SCYL2: variants seen among roughly 807,000 people sequenced by gnomAD.
SCYL2 encodes the protein SCY1-like protein 2.
In SCYL2, 36 loss-of-function variants were observed where a neutral mutation model predicts 100.4. The observed-to-expected ratio is 0.36, with a 90% confidence interval of 0.27 to 0.47. The LOEUF (loss-of-function observed/expected upper bound fraction) is 0.47, where lower values mean the gene tolerates loss of function less well. SCYL2 is among the 20% of genes least tolerant of loss of function. The probability of loss-of-function intolerance (pLI) is 1.00; values close to 1 mark genes in which losing one functional copy is unlikely to be tolerated. For missense variants in SCYL2, 902 were observed against 1,083.9 expected, an observed-to-expected ratio of 0.83 and a Z score of 2.36; for synonymous variants, 330 against 359.2, an observed-to-expected ratio of 0.92 and a Z score of 0.92.
chr12:100,314,558 C>G lies in SCYL2; in HGVS notation c.1039C>G (p.Leu347Val), dbSNP rs760026700. 1 of 1,601,514 alleles carries G rather than the reference C, an allele frequency of 6.2e-7. No individual in the cohort carries two copies. Among genetic ancestry groups the G allele is most frequent in the Non-Finnish European group, 8.5e-7 (1 of 1,175,468 alleles). The change falls in exon 8 of 18, where the codon CTT becomes GTT. Residue 347 changes from leucine to valine, a missense_variant. By Grantham distance (32) the Leu-to-Val change is conservative. Coordinates refer to ENST00000360820, the MANE Select transcript of SCYL2 (RefSeq NM_017988.6). ...YFDTLFQRDNLQKSQFFKGLP... is the reference protein window; with the variant it reads ...YFDTLFQRDNVQKSQFFKGLP... ...TGATACCTTATTCCAAAGAGATAAT[C>G]TTCAGAAATCACAGTTTTTCAAAGG...
At chr12:100,294,305 G>A (rs2096314703) in intron 3 of SCYL2, among the ~76,000 whole-genome samples, 1 of 118,868 alleles carries the variant, frequency 8.4e-6, no homozygotes, top group African/African-American at 3.2e-5. Flanking sequence ...GGGCAGAGGG[G>A]CTCCTCACTT....
At chr12:100,307,751 A>G (rs1170469538) in intron 4 of SCYL2, among the ~76,000 whole-genome samples, 2 of 152,214 alleles carry the variant, frequency 1.3e-5, no homozygotes, top group Non-Finnish European at 2.9e-5. Flanking sequence ...TCCATCTGAC[A>G]AAGGGCTAAT....
intron 4 of SCYL2, among the ~76,000 whole-genome samples, chr12:100,307,295 T>C (rs986334719): frequency 6.6e-6 from 1 of 151,988 alleles, no homozygotes; most frequent in Non-Finnish European, 1.5e-5. Context: ...CCAAAACAGA[T>C]ACATAGACCA....
At position 100,317,919 on chromosome 12, in the gene SCYL2, G is replaced by C. The variant is rs56002815; in HGVS notation, c.1389G>C (p.Gln463His). Residue 463 changes from glutamine to histidine, a missense_variant, in exon 10 of 18, where the codon CAG becomes CAC. Coordinates refer to ENST00000360820, the MANE Select transcript of SCYL2 (RefSeq NM_017988.6). ...VYRALEAPSI[Q>H]IQELCLNIIP... ...GAGCACTAGAAGCTCCTTCCATTCA[G>C]ATCCAGGTACAGTATCTGATTTGTT... is the stretch of plus-strand genomic sequence containing the variant. 7 of 1,568,730 alleles carry C rather than the reference G, an allele frequency of 4.5e-6. No homozygotes were observed. The highest frequency in any genetic ancestry group is 6.0e-6 in the Non-Finnish European group (7 of 1,166,582).
At chr12:100,312,722 ATG>A in intron 6 of SCYL2, 69 bp downstream of exon 6, 3 of 1,117,334 alleles carry the variant, frequency 2.7e-6, no homozygotes. Flanking sequence ...TTTTTCCAAA[ATG>A]TGTTCAGGAA....
At position 100,291,936 on chromosome 12, in the gene SCYL2, G is replaced by A. The variant is rs142347750; in HGVS notation, c.335+276G>A. Reference sequence around the variant, plus strand: ...CAATAGTCAAAATAGAACATACAAGGGTATAGAATACAGTTCTTGCCTGAA... The same window carrying A: ...CAATAGTCAAAATAGAACATACAAGAGTATAGAATACAGTTCTTGCCTGAA... On this transcript the variant is annotated intron_variant, in intron 3 of 17. Coordinates refer to ENST00000360820, the MANE Select transcript of SCYL2 (RefSeq NM_017988.6). The A allele has an allele frequency of 7.7e-5, 23 of 298,596 alleles. 1 individual carries two copies. The East Asian group carries it at 1.3e-3, about 17-fold the overall frequency. The allele number at this position is 298,596 out of a possible 1,614,324, so 18.5% of individuals were successfully genotyped here. A position where few individuals can be genotyped will look rare whatever the true frequency, so the allele number is the denominator to read the frequency against.
At position 100,337,424 on chromosome 12, in the gene SCYL2, A is replaced by G. The variant is rs574918431; in HGVS notation, c.2063A>G (p.Lys688Arg). The G allele has an allele frequency of 5.0e-6, 8 of 1,601,924 alleles. No individual in the cohort carries two copies. In the African/African-American group the frequency reaches 1.1e-4, roughly 22 times the overall value. The change falls in exon 17 of 18, where the codon AAA (lysine) becomes AGA (arginine). Residue 688 changes from lysine (K) to arginine (R), a missense_variant. Coordinates refer to ENST00000360820, the MANE Select transcript of SCYL2 (RefSeq NM_017988.6). ...CTTGAAGAAAAACAAAAATTAGCAA[A>G]AGAACAAGAGCAGGCACAGAAGCTG... is the stretch of plus-strand genomic sequence containing the variant. The part of the protein sequence containing the change: ...LTLEEKQKLA[K>R]EQEQAQKLKS...
chr12:100,297,236 A>G (rs1350310624), intron 3 of SCYL2, among the ~76,000 whole-genome samples: 1 of 152,216 alleles, frequency 6.6e-6, no homozygotes, highest in East Asian at 1.9e-4. Context: ...TCTTTATACT[A>G]ACCCTTCAAG....
intron 3 of SCYL2, among the ~76,000 whole-genome samples, chr12:100,297,490 T>A (rs982367403): frequency 1.3e-5 from 2 of 152,202 alleles, no homozygotes; most frequent in African/African-American, 2.4e-5. Context: ...TGTGACACCT[T>A]TCAAAATGAC....
chr12:100,317,870 A>G lies in SCYL2; in HGVS notation c.1340A>G (p.Asn447Ser), dbSNP rs2096350842. Residue 447 changes from asparagine (N) to serine (S), a missense_variant, in exon 10 of 18, where the codon AAC (asparagine) becomes AGC (serine). By Grantham distance (46) the Asn-to-Ser change is conservative. Coordinates refer to ENST00000360820, the MANE Select transcript of SCYL2 (RefSeq NM_017988.6). ...AAAACCCCTCCTGATGAGATAAAGA[A>G]CAGTGTTCTACCCATGGTTTACAGA... ...LTKTPPDEIK[N>S]SVLPMVYRAL... 6.2e-7 allele frequency: 1 copy of G among 1,608,552 alleles called. No individual in the cohort carries two copies. The highest frequency in any genetic ancestry group is 8.5e-7 in the Non-Finnish European group (1 of 1,178,852).
At chr12:100,336,389 A>G (rs1952276932) in intron 16 of SCYL2, among the ~76,000 whole-genome samples, 1 of 152,010 alleles carries the variant, frequency 6.6e-6, no homozygotes. Flanking sequence ...ATCTTCTGTC[A>G]TTTCATGGTG....
Position 100,314,469 on chromosome 12 carries a change from TTTA to T in SCYL2, c.970-17_970-15del, listed in dbSNP as rs769997005. 4 of 1,550,750 alleles carry T rather than the reference TTTA, an allele frequency of 2.6e-6. No homozygotes were observed. Among genetic ancestry groups the T allele is most frequent in the Admixed American group, 1.8e-5 (1 of 55,752 alleles). On this transcript the variant is annotated splice_polypyrimidine_tract_variant and intron_variant, in intron 7 of 17. Transcript: ENST00000360820. ...TTCAATTTAACATTTATCAAAATAC[TTTA>T]TTTCCATTTTTTTTAGATTCCCTTC...
intron 4 of SCYL2, among the ~76,000 whole-genome samples, chr12:100,310,724 C>T (rs1311436973): frequency 1.3e-5 from 2 of 152,186 alleles, no homozygotes; most frequent in Admixed American, 1.3e-4. Context: ...AAGATTCCCT[C>T]ACTTTTCAAA....
chr12:100,301,538 C>T (rs2096327674), intron 4 of SCYL2, among the ~76,000 whole-genome samples: 4 of 152,194 alleles, frequency 2.6e-5, no homozygotes, highest in Non-Finnish European at 5.9e-5. Context: ...CTTCGGTTAC[C>T]TGTACTTGTA....
chr12:100,324,328 G>A (rs76102310), intron 11 of SCYL2, among the ~76,000 whole-genome samples: 41 of 151,978 alleles, frequency 2.7e-4, no homozygotes, highest in African/African-American at 9.4e-4. Flanking sequence ...AAGTAATATT[G>A]AATGCTGTCT....
At chr12:100,296,357 T>A (rs776789156) in intron 3 of SCYL2, among the ~76,000 whole-genome samples, 2 of 152,062 alleles carry the variant, frequency 1.3e-5, no homozygotes, top group Non-Finnish European at 1.5e-5. Context: ...GAGTTGGTGA[T>A]GTATATGGGG....
chr12:100,299,948 A>G (rs974464823), intron 4 of SCYL2, among the ~76,000 whole-genome samples: 5 of 152,204 alleles, frequency 3.3e-5, no homozygotes, highest in Non-Finnish European at 7.3e-5. Context: ...TGTTTTCCAT[A>G]GTGGTTGTGC....
intron 4 of SCYL2, among the ~76,000 whole-genome samples, chr12:100,308,388 CAG>C (rs1163961907): frequency 6.6e-6 from 1 of 152,082 alleles, no homozygotes; most frequent in Non-Finnish European, 1.5e-5. Flanking sequence ...AACACAGAAA[CAG>C]AAAACCAAAC....
chr12:100,315,875 G>C lies in SCYL2; in HGVS notation c.1272+141G>C, dbSNP rs189460875. The C allele has an allele frequency of 1.7e-4, 113 of 683,664 alleles. No homozygotes were observed. In the African/African-American group the frequency reaches 1.9e-3, roughly 11 times the overall value. The allele number at this position is 683,664 out of a possible 1,614,324, so 42.3% of individuals were successfully genotyped here. Reference sequence around the variant, plus strand: ...TTTCTTTTCCATTAGTCAGAAAGCTGCTTTACATGTTTGAACCAAACTATT... The same window carrying C: ...TTTCTTTTCCATTAGTCAGAAAGCTCCTTTACATGTTTGAACCAAACTATT... On this transcript the variant is annotated intron_variant, in intron 9 of 17. Coordinates refer to ENST00000360820, the MANE Select transcript of SCYL2 (RefSeq NM_017988.6).
Sources: gnomAD v4.1 joint callset for allele counts (sites outside exome capture counted in the v4.1 genomes callset) on GRCh38, gnomAD v4.1.1 for gene constraint, MANE v1.5 for transcripts, NCBI Gene and HGNC (gene_info 2026-07-23, HGNC 2026-07-21) for gene names.